The following EXOG variants were observed in gnomAD, a reference collection of about 807,000 sequenced individuals.
EXOG encodes the protein exo/endonuclease G.
Under a neutral mutation model 25.8 loss-of-function variants are expected in EXOG, and 27 were observed. That is an observed-to-expected ratio of 1.05 (90% CI 0.77 to 1.45). The LOEUF (loss-of-function observed/expected upper bound fraction) is 1.45, where lower values mean the gene tolerates loss of function less well. Ranked by LOEUF, EXOG falls within the 40% of genes most tolerant of loss-of-function variation. The probability of loss-of-function intolerance (pLI) is 0.00; values close to 1 mark genes in which losing one functional copy is unlikely to be tolerated. For synonymous variants in EXOG, 133 were observed against 167.0 expected, an observed-to-expected ratio of 0.80 and a Z score of 1.57; for missense variants, 458 against 450.5, an observed-to-expected ratio of 1.02 and a Z score of -0.15.
chr3:38,499,920 A>G (rs1343041795), intron 2 of EXOG, among the ~76,000 whole-genome samples: 1 of 152,214 alleles, frequency 6.6e-6, no homozygotes, highest in Non-Finnish European at 1.5e-5. Context: ...CTTTGAATTC[A>G]CAGCATTATG....
chr3:38,514,150 T>A (rs2060460120), intron 5 of EXOG, among the ~76,000 whole-genome samples: 1 of 152,220 alleles, frequency 6.6e-6, no homozygotes, highest in Admixed American at 6.5e-5. Flanking sequence ...GTGGATTGTA[T>A]TAAGTGAGAT....
At chr3:38,505,241 T>C (rs1201232936) in intron 4 of EXOG, among the ~76,000 whole-genome samples, 1 of 152,138 alleles carries the variant, frequency 6.6e-6, no homozygotes, top group African/African-American at 2.4e-5. Context: ...ATATGTCTCT[T>C]TAGTTCCTAT....
chr3:38,496,926 T>C, intron 1 of EXOG: 1 of 1,164,794 alleles, frequency 8.6e-7, no homozygotes, highest in Non-Finnish European at 1.1e-6. Flanking sequence ...ATAATTGGCA[T>C]TCAGTAAGTA....
chr3:38,507,750 G>A (rs1334515698), intron 5 of EXOG, among the ~76,000 whole-genome samples: 1 of 152,106 alleles, frequency 6.6e-6, no homozygotes, highest in African/African-American at 2.4e-5. Context: ...ACAAGCAGTT[G>A]GAGTGAGGAA....
intron 5 of EXOG, among the ~76,000 whole-genome samples, chr3:38,508,627 A>G (rs1412842547): frequency 6.6e-6 from 1 of 151,962 alleles, no homozygotes; most frequent in East Asian, 1.9e-4. Context: ...GAAATAAAGT[A>G]GATATTTAAT....
chr3:38,509,979 G>A (rs958307705), intron 5 of EXOG, among the ~76,000 whole-genome samples: 1 of 152,068 alleles, frequency 6.6e-6, no homozygotes, highest in Admixed American at 6.6e-5. Context: ...GAGGAATAGG[G>A]TATTTACATA....
Position 38,525,810 on chromosome 3 carries a change from G to T in EXOG, c.*1448G>T, listed in dbSNP as rs74394482. ...AATACAAAAATTAGCTGGGCGTGGT[G>T]GTGCACACCTGTAGTCCCAGCTACT... On this transcript the variant is annotated 3_prime_UTR_variant, in exon 6 of 6. Coordinates refer to ENST00000287675, the MANE Select transcript of EXOG (RefSeq NM_005107.4). 1 of 343,564 alleles carries T rather than the reference G, an allele frequency of 2.9e-6. No homozygotes were observed. Among genetic ancestry groups the T allele is most frequent in the Admixed American group, 6.5e-5 (1 of 15,476 alleles). 21.3% of individuals were successfully genotyped at this position (343,564 alleles called of 1,614,324 possible).
At chr3:38,501,726 C>G (rs1457141630) in intron 3 of EXOG, among the ~76,000 whole-genome samples, 1 of 152,084 alleles carries the variant, frequency 6.6e-6, no homozygotes, top group African/African-American at 2.4e-5. Context: ...CCACTGGGAG[C>G]TGAAGCTACT....
chr3:38,524,128 G>A lies in EXOG; in HGVS notation c.873G>A (p.Arg291=), dbSNP rs772599288. The A allele has an allele frequency of 9.3e-6, 15 of 1,613,930 alleles. No individual in the cohort carries two copies. The highest frequency in any genetic ancestry group is 1.1e-5 in the Non-Finnish European group (13 of 1,179,828). The stretch of plus-strand genomic sequence containing the variant: ...ATTTGGATAGAACTAGTGATATCCG[G>A]AATATCTGCTCTGTGGACACCTGTA... ...FPHLDRTSDI[R]NICSVDTCKL... Residue 291 remains arginine, a synonymous_variant, in exon 6 of 6, where the codon CGG becomes CGA. Transcript: ENST00000287675.
Position 38,525,569 on chromosome 3 carries a change from C to A in EXOG, c.*1207C>A, listed in dbSNP as rs985909767. Reference sequence around the variant, plus strand: ...CATGCTTGCCTCCAGAGATACAGTTCTTTTAGTGACCAGATACTGCCAAAT... The same window carrying A: ...CATGCTTGCCTCCAGAGATACAGTTATTTTAGTGACCAGATACTGCCAAAT... On this transcript the variant is annotated 3_prime_UTR_variant, in exon 6 of 6. Coordinates refer to ENST00000287675, the MANE Select transcript of EXOG (RefSeq NM_005107.4). 2.0e-6 allele frequency: 2 copies of A among 985,140 alleles called. No individual in the cohort carries two copies. The highest frequency in any genetic ancestry group is 2.4e-6 in the Non-Finnish European group (2 of 829,808). The allele number at this position is 985,140 out of a possible 1,614,324, so 61.0% of individuals were successfully genotyped here.
At chr3:38,506,767 G>A (rs560637833) in intron 4 of EXOG, 87 bp from the exon 5 acceptor site, 1 of 546,474 alleles carries the variant, frequency 1.8e-6, no homozygotes, top group South Asian at 2.7e-5. Flanking sequence ...GTTTTTCTTG[G>A]TATCTTTCAT....
At chr3:38,517,525 G>GC (rs2060584515) in intron 5 of EXOG, among the ~76,000 whole-genome samples, 4 of 152,244 alleles carry the variant, frequency 2.6e-5, no homozygotes, top group Non-Finnish European at 5.9e-5. Context: ...CAGCAATTCA[G>GC]ATTGATTCTT....
intron 4 of EXOG, among the ~76,000 whole-genome samples, chr3:38,506,617 G>A (rs554261959): frequency 6.6e-6 from 1 of 152,146 alleles, no homozygotes; most frequent in Non-Finnish European, 1.5e-5. Context: ...TACTCTGAGC[G>A]CACATAAAGA....
chr3:38,525,997 A>G lies in EXOG; in HGVS notation c.*1635A>G, dbSNP rs2060860657. The G allele has an allele frequency of 1.0e-6, 1 of 985,270 alleles. No individual in the cohort carries two copies. The highest frequency in any genetic ancestry group is 4.7e-5 in the South Asian group (1 of 21,290). 61.0% of individuals were successfully genotyped at this position (985,270 alleles called of 1,614,324 possible). On this transcript the variant is annotated 3_prime_UTR_variant, in exon 6 of 6. Transcript: ENST00000287675. ...CTGCCCACAAAATCACTAGCTTATT[A>G]TTTGCTTCCTGTGTGCCTGCTTGTC...
chr3:38,510,591 T>C (rs1575641239), intron 5 of EXOG, among the ~76,000 whole-genome samples: 1 of 151,926 alleles, frequency 6.6e-6, no homozygotes, highest in African/African-American at 2.4e-5. Flanking sequence ...TAACAATTGG[T>C]AAATCTGAGT....
At chr3:38,523,851 C>A (rs757788074) in intron 5 of EXOG, 50 bp from the exon 6 acceptor site, 2 of 1,400,602 alleles carry the variant, frequency 1.4e-6, no homozygotes, top group Admixed American at 4.8e-5. Flanking sequence ...AAAAAATTTG[C>A]GAACTGTTAG....
At chr3:38,507,389 A>G (rs1296988901) in intron 5 of EXOG, among the ~76,000 whole-genome samples, 2 of 152,186 alleles carry the variant, frequency 1.3e-5, no homozygotes, top group African/African-American at 4.8e-5. Context: ...ATTCCAGAGG[A>G]TGGAGCAGGA....
At chr3:38,504,491 A>C (rs2060140653) in intron 4 of EXOG, among the ~76,000 whole-genome samples, 1 of 151,968 alleles carries the variant, frequency 6.6e-6, no homozygotes, top group African/African-American at 2.4e-5. Flanking sequence ...GCTGGTGTGC[A>C]GTGGCACAAT....
chr3:38,514,804 G>A (rs1355144249), intron 5 of EXOG, among the ~76,000 whole-genome samples: 9 of 91,866 alleles, frequency 9.8e-5, no homozygotes, highest in African/African-American at 4.5e-4. Flanking sequence ...GGAGTTTTAC[G>A]GTGTCCCCCA....
Sources: gnomAD v4.1 joint callset for allele counts (sites outside exome capture counted in the v4.1 genomes callset) on GRCh38, gnomAD v4.1.1 for gene constraint, MANE v1.5 for transcripts, NCBI Gene and HGNC (gene_info 2026-07-23, HGNC 2026-07-21) for gene names.